Variants in SNAP23 observed in about 807,000 individuals in gnomAD.
The protein encoded by SNAP23 is synaptosomal-associated protein 23.
In SNAP23, 11 loss-of-function variants were observed where a neutral mutation model predicts 29.0. The ratio of observed to expected loss-of-function variants is 0.38; its 90% CI spans 0.24 to 0.63. SNAP23 has a LOEUF of 0.63. Among genes scored for constraint, SNAP23 ranks in the 20% least tolerant of loss-of-function variants. The pLI is 0.58. For synonymous variants in SNAP23, 60 were observed against 82.9 expected (o/e 0.72, Z 1.50); for missense variants, 220 against 253.9 (o/e 0.87, Z 0.91).
chr15:42,514,628 G>A (rs1019867543), intron 4 of SNAP23, among the ~76,000 whole-genome samples: 32 of 151,336 alleles, frequency 2.1e-4, no homozygotes, highest in African/African-American at 7.8e-4. Context: ...ATTTGACCTC[G>A]TCAAAGTACC....
chr15:42,529,327 G>A (rs911491546), intron 6 of SNAP23, among the ~76,000 whole-genome samples: 20 of 152,278 alleles, frequency 1.3e-4, no homozygotes, highest in East Asian at 1.2e-3. Context: ...TTATTAAACC[G>A]TAGGTTTCTG....
At chr15:42,512,896 G>A (rs2057368217) in intron 2 of SNAP23, 59 bp from the exon 3 acceptor site, 4 of 1,335,890 alleles carry the variant, frequency 3.0e-6, no homozygotes, top group Non-Finnish European at 4.3e-6. Flanking sequence ...AATTTGGCCT[G>A]TGATCAGATT....
intron 1 of SNAP23, among the ~76,000 whole-genome samples, chr15:42,497,724 C>A (rs1003691922): frequency 4.6e-5 from 7 of 152,184 alleles, no homozygotes; most frequent in African/African-American, 1.2e-4. Flanking sequence ...AATCTTAACT[C>A]ATTCCAGTAT....
intron 1 of SNAP23, among the ~76,000 whole-genome samples, chr15:42,501,004 A>G (rs1281829793): frequency 1.3e-5 from 2 of 152,278 alleles, no homozygotes; most frequent in East Asian, 3.9e-4. Context: ...TTATTTTGAC[A>G]GTGTTTTGGA....
rs539988126 is a variant in SNAP23, at chr15:42,515,149, G to T, written c.149-88G>T. ...GTGGGGAGTTATTGGTAGATTCAAGGTTGAAGTTTGCTGTTCCATAATAAT... is the reference window on the plus strand; with the variant it reads ...GTGGGGAGTTATTGGTAGATTCAAGTTTGAAGTTTGCTGTTCCATAATAAT... On this transcript the variant is annotated intron_variant, in intron 4 of 7. Transcript: ENST00000249647. 18 of 750,212 alleles carry T rather than the reference G, an allele frequency of 2.4e-5. No individual in the cohort carries two copies. In the African/African-American group the frequency reaches 3.2e-4, roughly 13 times the overall value. 46.5% of individuals were successfully genotyped at this position (750,212 alleles called of 1,614,324 possible).
chr15:42,494,510 C>T (rs993810158), upstream of SNAP23, among the ~76,000 whole-genome samples: 2 of 122,412 alleles, frequency 1.6e-5, no homozygotes, highest in African/African-American at 3.0e-5. Context: ...TTTTTTCTTT[C>T]TTTTTTTTTT....
At chr15:42,498,334 C>A (rs936410275) in intron 1 of SNAP23, among the ~76,000 whole-genome samples, 3 of 152,236 alleles carry the variant, frequency 2.0e-5, no homozygotes, top group African/African-American at 7.2e-5. Context: ...CATTTCCGTA[C>A]ATCCTCTGAA....
chr15:42,530,351 AAT>A (rs2057551462), intron 7 of SNAP23, among the ~76,000 whole-genome samples: 1 of 152,220 alleles, frequency 6.6e-6, no homozygotes, highest in South Asian at 2.1e-4. Context: ...GGACACACGA[AAT>A]AGAGTCATGT....
chr15:42,528,070 A>G (rs1219054057), intron 5 of SNAP23, 192 bp from the exon 6 acceptor site: 3 of 489,704 alleles, frequency 6.1e-6, no homozygotes, highest in African/African-American at 5.7e-5. Context: ...TTTTAGTGTC[A>G]ATGGGTTTAC....
At position 42,528,489 on chromosome 15, in the gene SNAP23, C is replaced by T. The variant is rs2057528186; in HGVS notation, c.425+69C>T. 3 of 1,401,576 alleles carry T rather than the reference C, an allele frequency of 2.1e-6. No individual in the cohort carries two copies. In the East Asian group the frequency reaches 6.9e-5, roughly 32 times the overall value. 86.8% of individuals were successfully genotyped at this position (1,401,576 alleles called of 1,614,324 possible). A position where few individuals can be genotyped will look rare whatever the true frequency, so the allele number is the denominator to read the frequency against. The stretch of plus-strand genomic sequence containing the variant: ...TGGTTCACTTAGGAGATGAGTTTAG[C>T]AGTACATGACCCCTAATAAAACAAA... On this transcript the variant is annotated intron_variant, in intron 6 of 7. Transcript: ENST00000249647.
chr15:42,527,298 A>G (rs1467407007), intron 5 of SNAP23, among the ~76,000 whole-genome samples: 1 of 152,182 alleles, frequency 6.6e-6, no homozygotes, highest in Non-Finnish European at 1.5e-5. Context: ...TGTTTGTAAG[A>G]AACCATTGTT....
At chr15:42,521,413 GTTT>G in intron 5 of SNAP23, 1 of 966,972 alleles carries the variant, frequency 1.0e-6, no homozygotes, top group Non-Finnish European at 1.2e-6. Context: ...ATGTGCTCTG[GTTT>G]AAATAGTTTT....
intron 5 of SNAP23, among the ~76,000 whole-genome samples, 164 bp downstream of exon 5, chr15:42,515,518 G>A (rs150776596): frequency 2.6e-5 from 4 of 152,246 alleles, no homozygotes; most frequent in East Asian, 3.9e-4. Context: ...TAAATACTGC[G>A]TGTTCACTGA....
At chr15:42,528,031 A>T (rs2057519809) in intron 5 of SNAP23, 2 of 432,476 alleles carry the variant, frequency 4.6e-6, no homozygotes, top group South Asian at 4.3e-5. Flanking sequence ...GATTTGGTAG[A>T]AGTAGTATTT....
intron 5 of SNAP23, chr15:42,522,129 T>TA (rs933407033): frequency 6.6e-6 from 1 of 152,486 alleles, no homozygotes; most frequent in Non-Finnish European, 1.5e-5. Flanking sequence ...TTTCCTCTAT[T>TA]AAAGTTTTGC....
intron 6 of SNAP23, 114 bp downstream of exon 6, chr15:42,528,534 AT>A: frequency 9.5e-7 from 1 of 1,047,780 alleles, no homozygotes; most frequent in African/African-American, 1.6e-5. Context: ...TATTTATTCC[AT>A]TTTTAAAATG....
At chr15:42,503,539 T>A (rs1426465392) in intron 1 of SNAP23, among the ~76,000 whole-genome samples, 2 of 152,046 alleles carry the variant, frequency 1.3e-5, no homozygotes, top group Non-Finnish European at 2.9e-5. Flanking sequence ...CCAGCTAATT[T>A]TTGTATTTTT....
intron 1 of SNAP23, among the ~76,000 whole-genome samples, chr15:42,507,559 A>G (rs1555434155): frequency 1.3e-5 from 2 of 152,210 alleles, no homozygotes; most frequent in Non-Finnish European, 2.9e-5. Context: ...AGTACGTTTA[A>G]TGGCATCTTT....
At chr15:42,521,740 G>A (rs2057451485) in intron 5 of SNAP23, 1 of 694,874 alleles carries the variant, frequency 1.4e-6, no homozygotes, top group Non-Finnish European at 2.5e-6. Context: ...CTGTGCATGT[G>A]CATGGATTTT....
Sources: gnomAD v4.1 joint callset for allele counts (sites outside exome capture counted in the v4.1 genomes callset) on GRCh38, gnomAD v4.1.1 for gene constraint, MANE v1.5 for transcripts, NCBI Gene and HGNC (gene_info 2026-07-23, HGNC 2026-07-21) for gene names.